IL22RA1: variants seen among roughly 807,000 people sequenced by gnomAD.
IL22RA1 encodes the protein interleukin 22 receptor subunit alpha 1.
Under a neutral mutation model 32.8 loss-of-function variants are expected in IL22RA1, and 25 were observed. The ratio of observed to expected loss-of-function variants is 0.76; its 90% CI spans 0.55 to 1.06. The LOEUF is 1.06. IL22RA1 is among the 50% of genes least tolerant of loss of function. The pLI, the probability that IL22RA1 is intolerant of heterozygous loss-of-function variation, is 0.00. For synonymous variants in IL22RA1, 305 were observed against 305.0 expected (o/e 1.00, Z 0.00); for missense variants, 709 against 727.4 (o/e 0.97, Z 0.29).
In IL22RA1 at chr1:24,120,597, C is replaced by T. The variant is rs996728394; in HGVS notation, c.*208G>A. 1.5e-5 allele frequency: 8 copies of T among 540,270 alleles called. No individual in the cohort carries two copies. The highest frequency in any genetic ancestry group is 2.3e-5 in the Non-Finnish European group (7 of 307,170). 33.5% of individuals were successfully genotyped at this position (540,270 alleles called of 1,614,324 possible). A position where few individuals can be genotyped will look rare whatever the true frequency, so the allele number is the denominator to read the frequency against. On this transcript the variant is annotated 3_prime_UTR_variant, in exon 7 of 7. Coordinates refer to ENST00000270800, the MANE Select transcript of IL22RA1 (RefSeq NM_021258.4). ...TACACAAGCTGCTCCCCAGAGCTCC[C>T]CCGCTGCAGTCCTTATCATGCTGCT...
chr1:24,129,511 CTCT>C (rs1386775996), intron 4 of IL22RA1, among the ~76,000 whole-genome samples: 1 of 152,244 alleles, frequency 6.6e-6, no homozygotes, highest in Non-Finnish European at 1.5e-5. Context: ...AATAGCATCA[CTCT>C]TCTTCTAATC....
intron 4 of IL22RA1, 97 bp downstream of exon 4, chr1:24,134,114 A>G (rs762832279): frequency 1.5e-5 from 15 of 1,016,842 alleles, no homozygotes; most frequent in Non-Finnish European, 2.1e-5. Flanking sequence ...GCTAATTTAC[A>G]TAACATGTCC....
rs113856820 is a variant in IL22RA1, at chr1:24,123,455, G to A, written c.671-32C>T. 649 of 1,605,566 alleles carry A rather than the reference G, an allele frequency of 4.0e-4. 5 individuals carry two copies. The African/African-American group carries it at 6.2e-3, about 15-fold the overall frequency. On this transcript the variant is annotated intron_variant, in intron 5 of 6. Coordinates refer to ENST00000270800, the MANE Select transcript of IL22RA1 (RefSeq NM_021258.4). ...AACCAAAGGGGCCAGAGAAGGAAGC[G>A]TGAGGCTGGGCTCTGCCTGGGCCCG... is the stretch of plus-strand genomic sequence containing the variant.
At chr1:24,126,820 G>C (rs1644164754) in intron 5 of IL22RA1, among the ~76,000 whole-genome samples, 1 of 152,110 alleles carries the variant, frequency 6.6e-6, no homozygotes, top group Non-Finnish European at 1.5e-5. Flanking sequence ...TGCTTGTGAT[G>C]AGAATCAAGT....
At chr1:24,141,388 G>C (rs1385988813) in intron 1 of IL22RA1, among the ~76,000 whole-genome samples, 1 of 152,136 alleles carries the variant, frequency 6.6e-6, no homozygotes, top group East Asian at 1.9e-4. Context: ...GGTGGGCTTT[G>C]AGAAGCCAGG....
rs1164335239 is a variant in IL22RA1 at position 24,121,751 on chromosome 1, A to G, written c.793-14T>C. On this transcript the variant is annotated splice_polypyrimidine_tract_variant and intron_variant, in intron 6 of 6. Coordinates refer to ENST00000270800, the MANE Select transcript of IL22RA1 (RefSeq NM_021258.4). ...TCGCTGGACGTTCTGTGCAGGGACG[A>G]CAACAGTCACCCCCCTGTGGTTAGG... 1 of 1,472,862 alleles carries G rather than the reference A, an allele frequency of 6.8e-7. No individual in the cohort carries two copies. Among genetic ancestry groups the G allele is most frequent in the East Asian group, 2.4e-5 (1 of 40,862 alleles). 91.2% of individuals were successfully genotyped at this position (1,472,862 alleles called of 1,614,324 possible).
At chr1:24,123,157 G>C in intron 6 of IL22RA1, 145 bp downstream of exon 6, 1 of 1,243,880 alleles carries the variant, frequency 8.0e-7, no homozygotes, top group Non-Finnish European at 1.1e-6. Context: ...GTTGACTTTA[G>C]CTGGGACTGT....
At chr1:24,136,357 G>A (rs1238484742) in intron 3 of IL22RA1, among the ~76,000 whole-genome samples, 2 of 152,200 alleles carry the variant, frequency 1.3e-5, no homozygotes, top group Non-Finnish European at 2.9e-5. Flanking sequence ...TAGAGGGGGA[G>A]GCAGATGATA....
rs185536744 is a variant in IL22RA1, at chr1:24,120,310, C to G, written c.*495G>C. 1 of 153,228 alleles carries G rather than the reference C, an allele frequency of 6.5e-6. No individual in the cohort carries two copies. The highest frequency in any genetic ancestry group is 1.5e-5 in the Non-Finnish European group (1 of 68,674). The allele number at this position is 153,228 out of a possible 1,614,324, so 9.5% of individuals were successfully genotyped here. A position where few individuals can be genotyped will look rare whatever the true frequency, so the allele number is the denominator to read the frequency against. ...TGCAGGTTGTTCTGGTTCTGCCCAG[C>G]CTCCTTCTGGTTCTTTTCCAGGCCT... On this transcript the variant is annotated 3_prime_UTR_variant, in exon 7 of 7. Coordinates refer to ENST00000270800, the MANE Select transcript of IL22RA1 (RefSeq NM_021258.4).
intron 1 of IL22RA1, among the ~76,000 whole-genome samples, chr1:24,139,960 G>A (rs1386577665): frequency 2.6e-5 from 4 of 152,210 alleles, no homozygotes; most frequent in East Asian, 1.9e-4. Flanking sequence ...TGGAGGAGGC[G>A]CTCTTGACTG....
At chr1:24,135,875 C>T (rs1447415921) in intron 3 of IL22RA1, among the ~76,000 whole-genome samples, 1 of 152,224 alleles carries the variant, frequency 6.6e-6, no homozygotes, top group Non-Finnish European at 1.5e-5. Flanking sequence ...ATGGGAACTA[C>T]AATTCAAGAT....
chr1:24,131,553 A>G (rs1557629106), intron 4 of IL22RA1, among the ~76,000 whole-genome samples: 1 of 152,160 alleles, frequency 6.6e-6, no homozygotes, highest in African/African-American at 2.4e-5. Flanking sequence ...GGTTCAATCT[A>G]TCAGGAAGAT....
At chr1:24,129,659 A>C (rs1221386403) in intron 4 of IL22RA1, among the ~76,000 whole-genome samples, 1 of 152,152 alleles carries the variant, frequency 6.6e-6, no homozygotes, top group Non-Finnish European at 1.5e-5. Flanking sequence ...AAAACTGAGA[A>C]TTTTCTTTGG....
At position 24,134,271 on chromosome 1, in the gene IL22RA1, T is replaced by C; in HGVS notation, c.471A>G (p.Glu157=). The change falls in exon 4 of 7, where the codon GAA becomes GAG. Residue 157 remains glutamate (E), a synonymous_variant. Transcript: ENST00000270800. The stretch of plus-strand genomic sequence containing the variant: ...GGTAGAACAGGTCATGGAAGATGTC[T>C]TCCAGGGTTAGCCGGTGGCCATCGC... ...RAGDGHRLTL[E]DIFHDLFYHL... is the part of the protein sequence containing the mutation. The C allele has an allele frequency of 6.2e-7, 1 of 1,611,666 alleles. No homozygotes were observed. Among genetic ancestry groups the C allele is most frequent in the Non-Finnish European group, 8.5e-7 (1 of 1,178,780 alleles).
At chr1:24,132,919 G>T (rs1277064232) in intron 4 of IL22RA1, among the ~76,000 whole-genome samples, 1 of 151,686 alleles carries the variant, frequency 6.6e-6, no homozygotes, top group Non-Finnish European at 1.5e-5. Flanking sequence ...TGGGAGAAAT[G>T]TGGGCTAAAC....
rs148678373 is a variant in IL22RA1 at position 24,121,211 on chromosome 1, C to T, written c.1319G>A (p.Cys440Tyr). Reference protein sequence around the residue: ...QLQKEPPAGSCMLGGLSLQEV... With the variant: ...QLQKEPPAGSYMLGGLSLQEV... ...CTGCAGAGAAAGGCCACCTAACATG[C>T]AGCTTCCAGCTGGTGGCTCTTTCTG... is the stretch of plus-strand genomic sequence containing the variant. Residue 440 changes from cysteine to tyrosine, a missense_variant, in exon 7 of 7, where the codon TGC becomes TAC. Physicochemically the swap from Cys to Tyr is radical, Grantham distance 194. Coordinates refer to ENST00000270800, the MANE Select transcript of IL22RA1 (RefSeq NM_021258.4). 5 of 1,614,248 alleles carry T rather than the reference C, an allele frequency of 3.1e-6. No individual in the cohort carries two copies. Among genetic ancestry groups the T allele is most frequent in the East Asian group, 2.2e-5 (1 of 44,886 alleles).
chr1:24,131,467 A>G (rs927433987), intron 4 of IL22RA1, among the ~76,000 whole-genome samples: 9 of 152,230 alleles, frequency 5.9e-5, no homozygotes, highest in African/African-American at 2.2e-4. Context: ...TGGAGTGTCT[A>G]TATTAATATC....
At chr1:24,126,757 A>G (rs979629807) in intron 5 of IL22RA1, among the ~76,000 whole-genome samples, 39 of 152,322 alleles carry the variant, frequency 2.6e-4, no homozygotes, top group African/African-American at 8.2e-4. Context: ...AGCTCTGAGC[A>G]ATACAACGTT....
Position 24,128,243 on chromosome 1 carries a change from C to T in IL22RA1, c.568G>A (p.Gly190Ser), listed in dbSNP as rs185047620. Residue 190 changes from glycine (G) to serine (S), a missense_variant, in exon 5 of 7, where the codon GGC becomes AGC. Gly to Ser is a moderately conservative substitution (Grantham distance 56). Transcript: ENST00000270800. Reference protein sequence around the residue: ...GGKQREYEFFGLTPDTEFLGT... With the variant: ...GGKQREYEFFSLTPDTEFLGT... Reference sequence around the variant, plus strand: ...AGGAACTCTGTGTCAGGGGTCAGGCCGAAGAACTCATATTCTCTCTGCTTC... The same window carrying T: ...AGGAACTCTGTGTCAGGGGTCAGGCTGAAGAACTCATATTCTCTCTGCTTC... 2.4e-5 allele frequency: 39 copies of T among 1,611,552 alleles called. No homozygotes were observed. The highest frequency in any genetic ancestry group is 6.6e-5 in the South Asian group (6 of 90,918).
Sources: allele counts gnomAD v4.1 joint callset (sites outside exome capture counted in the v4.1 genomes callset), GRCh38; gene constraint gnomAD v4.1.1; transcripts MANE v1.5; gene names NCBI Gene and HGNC (gene_info 2026-07-23, HGNC 2026-07-21).